Variants in PCDH15 observed in about 807,000 individuals in gnomAD.
PCDH15 encodes protocadherin related 15, also known as protocadherin-15.
Under a neutral mutation model 178.5 loss-of-function variants are expected in PCDH15, and 129 were observed. The observed-to-expected ratio is 0.72, with a 90% CI of 0.63 to 0.84. The LOEUF is 0.84. Among genes scored for constraint, PCDH15 ranks in the 40% least tolerant of loss-of-function variants. The probability of loss-of-function intolerance (pLI) is 0.00; values close to 1 mark genes in which losing one functional copy is unlikely to be tolerated. For missense variants in PCDH15, 2,230 were observed against 2,099.9 expected, an observed-to-expected ratio of 1.06 and a Z score of -1.21; for synonymous variants, 800 against 732.0, an observed-to-expected ratio of 1.09 and a Z score of -1.50.
intron 1 of PCDH15, among the ~76,000 whole-genome samples, chr10:54,753,127 A>G (rs945525): frequency 0.5 from 76,187 of 152,034 alleles, 19,650 homozygotes; most frequent in Middle Eastern, 0.67. Context: ...GGTATATATT[A>G]TAAAGATACA....
chr10:55,307,521 A>G (rs956277934), intron 1 of PCDH15, among the ~76,000 whole-genome samples: 2 of 151,828 alleles, frequency 1.3e-5, no homozygotes, highest in Non-Finnish European at 2.9e-5. Context: ...AAAAAAAAAA[A>G]TTATATTTTC....
chr10:54,586,258 A>G (rs1214323739), intron 2 of PCDH15, among the ~76,000 whole-genome samples: 2 of 152,182 alleles, frequency 1.3e-5, no homozygotes, highest in African/African-American at 4.8e-5. Flanking sequence ...TTTATGAAAT[A>G]TTCTAGAAAT....
chr10:53,979,851 G>A (rs1022610155), intron 21 of PCDH15, among the ~76,000 whole-genome samples: 19 of 152,248 alleles, frequency 1.2e-4, no homozygotes, highest in Admixed American at 5.9e-4. Context: ...TACACAAAAT[G>A]TATTTTAGTT....
At position 54,944,048 on chromosome 10, in the gene PCDH15, A is replaced by G. The variant is rs1217141751; in HGVS notation, c.-79-46548T>C. Among the ~76,000 whole-genome samples, 3 of 151,932 alleles carry G rather than the reference A, an allele frequency of 2.0e-5. No individual in the cohort carries two copies. The East Asian group carries it at 5.8e-4, about 29-fold the overall frequency. ...TAAATTTCTGTCTAAATTTCTAAGA[A>G]CATATGTCTCAGCCAATTAGGCCAA... is the stretch of plus-strand genomic sequence containing the variant. On this transcript the variant is annotated intron_variant, in intron 2 of 5. Transcript: ENST00000458638.
chr10:54,306,080 C>A (rs1481471347), intron 8 of PCDH15, among the ~76,000 whole-genome samples: 2 of 151,850 alleles, frequency 1.3e-5, no homozygotes, highest in Non-Finnish European at 2.9e-5. Flanking sequence ...TTTTTCAATG[C>A]CATTCTGACC....
At chr10:55,164,039 C>CAA (rs1035306997) in intron 2 of PCDH15, among the ~76,000 whole-genome samples, 10 of 152,086 alleles carry the variant, frequency 6.6e-5, no homozygotes, top group African/African-American at 2.4e-4. Context: ...GACCCCTTTC[C>CAA]GGTTACATAA....
At chr10:53,833,867 GT>G (rs2132666637) in intron 29 of PCDH15, among the ~76,000 whole-genome samples, 1 of 151,950 alleles carries the variant, frequency 6.6e-6, no homozygotes, top group South Asian at 2.1e-4. Flanking sequence ...TACACTTCAT[GT>G]TGTCAATTTA....
chr10:54,098,738 A>G (rs2094749217), intron 15 of PCDH15, among the ~76,000 whole-genome samples: 1 of 152,194 alleles, frequency 6.6e-6, no homozygotes, highest in Admixed American at 6.5e-5. Context: ...AGAGAATCCT[A>G]GCCCTCTTTT....
chr10:55,231,340 C>A (rs890603971), intron 1 of PCDH15, among the ~76,000 whole-genome samples: 2 of 151,914 alleles, frequency 1.3e-5, no homozygotes, highest in East Asian at 1.9e-4. Context: ...CAGGTACTTA[C>A]AAAGAGTCTT....
intron 23 of PCDH15, among the ~76,000 whole-genome samples, chr10:53,944,786 T>C (rs1837812159): frequency 6.6e-6 from 1 of 152,214 alleles, no homozygotes; most frequent in South Asian, 2.1e-4. Flanking sequence ...GAAATGGTTA[T>C]TTAGCAGATA....
At chr10:55,193,456 G>A (rs183705077) in intron 1 of PCDH15, among the ~76,000 whole-genome samples, 1 of 151,954 alleles carries the variant, frequency 6.6e-6, no homozygotes, top group Non-Finnish European at 1.5e-5. Context: ...TATGAAATAT[G>A]ATTATTAATC....
At chr10:53,908,956 C>A (rs1044098915) in intron 25 of PCDH15, among the ~76,000 whole-genome samples, 1 of 152,122 alleles carries the variant, frequency 6.6e-6, no homozygotes, top group Non-Finnish European at 1.5e-5. Context: ...TCTTTTAAGA[C>A]AATTTTTGTT....
chr10:54,289,624 C>A (rs1431348432), intron 8 of PCDH15, among the ~76,000 whole-genome samples: 1 of 152,124 alleles, frequency 6.6e-6, no homozygotes. Flanking sequence ...AGTTTGAACC[C>A]ATTGCAAGGA....
chr10:54,581,821 G>C (rs12771353), intron 2 of PCDH15, among the ~76,000 whole-genome samples: 20,971 of 151,938 alleles, frequency 0.14, 1,718 homozygotes, highest in Non-Finnish European at 0.19. Flanking sequence ...TGAACGCTGG[G>C]TAATGTTCAA....
chr10:55,159,369 C>A (rs962864607), intron 2 of PCDH15, among the ~76,000 whole-genome samples: 3,233 of 20,606 alleles, frequency 0.16, 34 homozygotes, highest in South Asian at 0.42. Flanking sequence ...ATCTATCTAT[C>A]TATATATATA....
chr10:54,797,558 CTT>C (rs1040639632), intron 1 of PCDH15, among the ~76,000 whole-genome samples: 4 of 147,520 alleles, frequency 2.7e-5, no homozygotes, highest in African/African-American at 1.0e-4. Context: ...ACACGATCAT[CTT>C]AGGAAGTAAT....
intron 25 of PCDH15, among the ~76,000 whole-genome samples, chr10:53,905,493 C>G (rs189834000): frequency 1.3e-5 from 2 of 152,176 alleles, no homozygotes; most frequent in Admixed American, 1.3e-4. Context: ...GCCACCATGG[C>G]TGGCTAATTT....
intron 1 of PCDH15, among the ~76,000 whole-genome samples, chr10:54,750,660 T>C (rs1373001836): frequency 6.6e-6 from 1 of 152,132 alleles, no homozygotes; most frequent in Non-Finnish European, 1.5e-5. Context: ...ATCTTTATGC[T>C]TAATGCAAAT....
At chr10:55,514,306 G>T (rs1840957148) in intron 2 of PCDH15, among the ~76,000 whole-genome samples, 1 of 152,086 alleles carries the variant, frequency 6.6e-6, no homozygotes, top group East Asian at 1.9e-4. Context: ...AGTGGTTTCA[G>T]ATTTCTCATT....
Sources: allele counts gnomAD v4.1 joint callset (sites outside exome capture counted in the v4.1 genomes callset), GRCh38; gene constraint gnomAD v4.1.1; transcripts MANE v1.5; gene names NCBI Gene and HGNC (gene_info 2026-07-23, HGNC 2026-07-21).